INPP4A: variants seen among roughly 807,000 people sequenced by gnomAD.
INPP4A encodes inositol polyphosphate-4-phosphatase, type I, 107kD.
INPP4A carries 33 observed loss-of-function variants against 119.8 expected under a neutral mutation model. The ratio of observed to expected loss-of-function variants is 0.28; its 90% CI spans 0.21 to 0.37. INPP4A has a LOEUF of 0.37. INPP4A is among the 10% of genes least tolerant of loss of function. The probability of loss-of-function intolerance (pLI) is 1.00; values close to 1 mark genes in which losing one functional copy is unlikely to be tolerated. For synonymous variants in INPP4A, 496 were observed against 500.7 expected (o/e 0.99, Z 0.12); for missense variants, 956 against 1,289.9 (o/e 0.74, Z 3.97).
chr2:98,587,602 A>G lies in INPP4A; in HGVS notation c.2913A>G (p.Glu971=). The change falls in exon 25 of 25, where the codon GAA becomes GAG. Residue 971 remains glutamate (E), a synonymous_variant. Transcript: ENST00000409851. The part of the protein sequence containing the change: ...RPPEGTYGKV[E]T ...CCGAAGGGACTTACGGAAAAGTTGA[A>G]ACGTGAACACACGGTTTCCTCTAAT... 6.2e-7 allele frequency: 1 copy of G among 1,600,228 alleles called. No individual in the cohort carries two copies. The highest frequency in any genetic ancestry group is 8.5e-7 in the Non-Finnish European group (1 of 1,176,002).
At position 98,516,334 on chromosome 2, in the gene INPP4A, A is replaced by G. The variant is rs568279108; in HGVS notation, c.-165-2630A>G. Among the ~76,000 whole-genome samples the G allele has an allele frequency of 2.6e-5, 4 of 152,284 alleles. No individual in the cohort carries two copies. The East Asian group carries it at 7.7e-4, about 29-fold the overall frequency. On this transcript the variant is annotated intron_variant, in intron 1 of 24. Transcript: ENST00000409851. ...GACCTAAAAGTTTCCGTGACCTGTG[A>G]ACTCTCTCAAGTGTAAAATTAGTCT... is the stretch of plus-strand genomic sequence containing the variant.
intron 1 of INPP4A, among the ~76,000 whole-genome samples, chr2:98,493,248 G>A (rs1203680419): frequency 6.6e-6 from 1 of 151,976 alleles, no homozygotes. Context: ...TTGTGAGTGG[G>A]AACTGAGCCC....
intron 1 of INPP4A, among the ~76,000 whole-genome samples, chr2:98,471,140 C>G (rs1675924522): frequency 6.6e-6 from 1 of 152,074 alleles, no homozygotes; most frequent in African/African-American, 2.4e-5. Context: ...TTGGAGGTGC[C>G]TCCTGTGTAT....
intron 1 of INPP4A, among the ~76,000 whole-genome samples, chr2:98,502,193 A>G (rs1291645388): frequency 6.6e-6 from 1 of 152,164 alleles, no homozygotes; most frequent in Non-Finnish European, 1.5e-5. Flanking sequence ...AGTTCTCCAG[A>G]TGAGAGAGAG....
chr2:98,533,375 A>G lies in INPP4A; in HGVS notation c.152-2A>G. On this transcript the variant is annotated splice_acceptor_variant, in intron 4 of 24. Coordinates refer to ENST00000409851, the MANE Select transcript of INPP4A (RefSeq NM_001134225.2). LOFTEE classifies it high-confidence loss of function. ...CATTTCTTTCCCGTGTTGATTCTGT[A>G]GCTTGCAGTGAGCTGCATACTCCAT... The G allele has an allele frequency of 1.3e-6, 2 of 1,599,398 alleles. No individual in the cohort carries two copies. The highest frequency in any genetic ancestry group is 1.7e-6 in the Non-Finnish European group (2 of 1,167,484).
At chr2:98,536,076 A>T in intron 6 of INPP4A, 53 bp from the exon 7 acceptor site, 1 of 1,171,344 alleles carries the variant, frequency 8.5e-7, no homozygotes, top group Non-Finnish European at 1.3e-6. Context: ...TGGTAATTGC[A>T]TCAGAAGCAA....
chr2:98,475,549 A>G (rs1218016800), intron 1 of INPP4A, among the ~76,000 whole-genome samples: 2 of 152,254 alleles, frequency 1.3e-5, no homozygotes, highest in African/African-American at 4.8e-5. Flanking sequence ...AGTGCAAAAT[A>G]CATTTAATCT....
At chr2:98,503,300 A>T (rs1409771513) in intron 1 of INPP4A, among the ~76,000 whole-genome samples, 1 of 152,214 alleles carries the variant, frequency 6.6e-6, no homozygotes. Context: ...GGAGTTCTTC[A>T]CTGCCTGCAA....
chr2:98,525,140 T>C (rs1310551602), intron 4 of INPP4A, among the ~76,000 whole-genome samples: 5 of 152,206 alleles, frequency 3.3e-5, no homozygotes. Flanking sequence ...TTTTAAATTT[T>C]AGGACTCCAT....
intron 7 of INPP4A, among the ~76,000 whole-genome samples, chr2:98,536,796 A>G (rs1248225584): frequency 6.6e-6 from 1 of 152,212 alleles, no homozygotes; most frequent in Admixed American, 6.5e-5. Flanking sequence ...TAGCAAGGAA[A>G]ATTTGACAAA....
intron 1 of INPP4A, among the ~76,000 whole-genome samples, chr2:98,479,318 G>A (rs1677924680): frequency 6.6e-6 from 1 of 152,182 alleles, no homozygotes; most frequent in South Asian, 2.1e-4. Flanking sequence ...AACTTCTCCT[G>A]TGTGTGCTTC....
At chr2:98,550,266 C>T (rs1189312246) in intron 13 of INPP4A, among the ~76,000 whole-genome samples, 1 of 152,110 alleles carries the variant, frequency 6.6e-6, no homozygotes, top group African/African-American at 2.4e-5. Context: ...GGGAGGGTTA[C>T]AGGCAGAAGG....
At chr2:98,469,353 C>T (rs1005101169) in intron 1 of INPP4A, among the ~76,000 whole-genome samples, 4 of 151,816 alleles carry the variant, frequency 2.6e-5, no homozygotes, top group African/African-American at 2.4e-5. Flanking sequence ...AAAAATTAGT[C>T]GGGTGTGGTG....
intron 1 of INPP4A, among the ~76,000 whole-genome samples, chr2:98,451,913 G>T (rs1411202293): frequency 1.3e-5 from 2 of 152,220 alleles, no homozygotes; most frequent in East Asian, 3.8e-4. Flanking sequence ...GGGTGTGTCA[G>T]TTGGGATGCT....
chr2:98,482,616 C>T (rs1678704493), intron 1 of INPP4A, among the ~76,000 whole-genome samples: 1 of 152,250 alleles, frequency 6.6e-6, no homozygotes, highest in South Asian at 2.1e-4. Context: ...CCCAGTGGGC[C>T]TGTCACAGGG....
chr2:98,480,739 G>A (rs761682013), intron 1 of INPP4A, among the ~76,000 whole-genome samples: 12 of 152,214 alleles, frequency 7.9e-5, no homozygotes, highest in South Asian at 2.1e-4. Flanking sequence ...GAATGTGCCC[G>A]TCTCCAGTCC....
intron 21 of INPP4A, 107 bp from the exon 22 acceptor site, chr2:98,568,464 A>G (rs1696877697): frequency 1.5e-6 from 1 of 645,552 alleles, no homozygotes; most frequent in Non-Finnish European, 2.8e-6. Flanking sequence ...TTAGATATGC[A>G]TAGTAAATGT....
intron 1 of INPP4A, among the ~76,000 whole-genome samples, chr2:98,474,588 A>C (rs1371498086): frequency 5.9e-5 from 9 of 152,086 alleles, no homozygotes; most frequent in Non-Finnish European, 1.5e-5. Context: ...CAAGACCCAA[A>C]CCAGGCTTCT....
chr2:98,539,767 A>G, intron 10 of INPP4A, 92 bp downstream of exon 10: 2 of 1,323,200 alleles, frequency 1.5e-6, no homozygotes, highest in Non-Finnish European at 2.0e-6. Context: ...CTGGCATCAG[A>G]TAGACTGGAC....
Sources: gnomAD v4.1 joint callset for allele counts (sites outside exome capture counted in the v4.1 genomes callset) on GRCh38, gnomAD v4.1.1 for gene constraint, MANE v1.5 for transcripts, NCBI Gene and HGNC (gene_info 2026-07-23, HGNC 2026-07-21) for gene names.